PHF20: variants seen among roughly 807,000 people sequenced by gnomAD.
PHF20 encodes PHD finger protein 20.
In PHF20, 23 loss-of-function variants were observed where a neutral mutation model predicts 113.5. The observed-to-expected ratio is 0.20, with a 90% CI of 0.15 to 0.29. The LOEUF is 0.29. Among genes scored for constraint, PHF20 ranks in the 10% least tolerant of loss-of-function variants. PHF20 has a pLI of 1.00. For synonymous variants in PHF20, 434 were observed against 457.3 expected (o/e 0.95, Z 0.65); for missense variants, 943 against 1,219.6 (o/e 0.77, Z 3.38).
Position 35,866,224 on chromosome 20 carries a change from TAATAA to T in PHF20, c.808+2838_808+2842del, listed in dbSNP as rs550731464. Among the ~76,000 whole-genome samples, 38 of 152,096 alleles carry T rather than the reference TAATAA, an allele frequency of 2.5e-4. 1 individual carries two copies. The highest frequency in any genetic ancestry group is 1.6e-3 in the Admixed American group (25 of 15,276). On this transcript the variant is annotated intron_variant, in intron 6 of 17. Coordinates refer to ENST00000374012, the MANE Select transcript of PHF20 (RefSeq NM_016436.5). ...GACTCCATCTCAAAAAAACAAAAAA[TAATAA>T]AATAAAATAAAATTACATGTGGCTT...
intron 12 of PHF20, 119 bp from the exon 13 acceptor site, chr20:35,917,365 C>G (rs776349173): frequency 1.0e-5 from 9 of 897,444 alleles, no homozygotes; most frequent in Middle Eastern, 2.1e-4. Context: ...GTTTCCTTGC[C>G]CTATGAATGT....
intron 1 of PHF20, among the ~76,000 whole-genome samples, chr20:35,793,578 G>C (rs2146851679): frequency 6.6e-6 from 1 of 151,548 alleles, no homozygotes; most frequent in Middle Eastern, 3.4e-3. Flanking sequence ...GGGATTACAG[G>C]CGTGAGCCAT....
intron 1 of PHF20, among the ~76,000 whole-genome samples, chr20:35,778,233 A>G (rs957814505): frequency 6.6e-6 from 1 of 152,108 alleles, no homozygotes; most frequent in African/African-American, 2.4e-5. Flanking sequence ...ATAGGTGCGC[A>G]CCACCATGCC....
chr20:35,899,325 GGGATAAATACAA>G, intron 9 of PHF20, 33 bp from the exon 10 acceptor site: 1 of 1,506,972 alleles, frequency 6.6e-7, no homozygotes, highest in Non-Finnish European at 9.0e-7. Flanking sequence ...TGTAATAACT[GGGATAAATACAA>G]GGAACCTTTG....
At chr20:35,780,849 C>CTTTTTTTTTT (rs61173937) in intron 1 of PHF20, among the ~76,000 whole-genome samples, 2 of 98,228 alleles carry the variant, frequency 2.0e-5, no homozygotes, top group African/African-American at 9.6e-5. Flanking sequence ...GTGCCTGGCC[C>CTTTTTTTTTT]TTTTTTTTTT....
intron 1 of PHF20, among the ~76,000 whole-genome samples, chr20:35,791,526 C>G (rs1378591414): frequency 1.5e-5 from 2 of 134,306 alleles, no homozygotes; most frequent in Admixed American, 1.5e-4. Flanking sequence ...ACATATATAT[C>G]TTAGAATAGT....
At chr20:35,843,558 T>C (rs562761815) in intron 3 of PHF20, among the ~76,000 whole-genome samples, 57 of 150,466 alleles carry the variant, frequency 3.8e-4, no homozygotes, top group African/African-American at 1.3e-3. Context: ...TCATTCCATG[T>C]AGAACGTTGT....
At chr20:35,917,779 G>A (rs2055435137) in intron 13 of PHF20, 117 bp downstream of exon 13, 2 of 818,834 alleles carry the variant, frequency 2.4e-6, no homozygotes, top group Non-Finnish European at 3.8e-6. Flanking sequence ...AGCACGAACG[G>A]CAGCAGACTG....
chr20:35,900,208 C>A (rs1009923952), intron 10 of PHF20, among the ~76,000 whole-genome samples: 1 of 152,150 alleles, frequency 6.6e-6, no homozygotes, highest in African/African-American at 2.4e-5. Context: ...GAAATATCTT[C>A]TAAAGCTTAC....
Position 35,825,047 on chromosome 20 carries a change from A to G in PHF20, c.84-17526A>G, listed in dbSNP as rs539612262. Among the ~76,000 whole-genome samples the G allele has an allele frequency of 2.0e-5, 3 of 152,310 alleles. No individual in the cohort carries two copies. The South Asian group carries it at 6.2e-4, about 32-fold the overall frequency. On this transcript the variant is annotated intron_variant, in intron 2 of 17. Transcript: ENST00000374012. The stretch of plus-strand genomic sequence containing the variant: ...TGTGAGTACACATTTGTGTGGACAT[A>G]TGATTTTACATCATATGGGTATATA...
At chr20:35,781,521 T>C (rs1370205328) in intron 1 of PHF20, among the ~76,000 whole-genome samples, 4 of 152,230 alleles carry the variant, frequency 2.6e-5, no homozygotes. Context: ...ATTTTTGTTG[T>C]TGTTGTTGTC....
intron 1 of PHF20, among the ~76,000 whole-genome samples, chr20:35,796,777 C>CT (rs1285697008): frequency 6.6e-6 from 1 of 152,126 alleles, no homozygotes; most frequent in Non-Finnish European, 1.5e-5. Flanking sequence ...TTGAGAAGTA[C>CT]TTTGTCTACT....
At chr20:35,900,545 A>G (rs1289278235) in intron 10 of PHF20, among the ~76,000 whole-genome samples, 2 of 152,140 alleles carry the variant, frequency 1.3e-5, no homozygotes, top group Non-Finnish European at 2.9e-5. Context: ...TTAAAAATAT[A>G]ATGTGAGGCC....
At chr20:35,793,540 T>C (rs1460474142) in intron 1 of PHF20, among the ~76,000 whole-genome samples, 1 of 150,222 alleles carries the variant, frequency 6.7e-6, no homozygotes, top group Non-Finnish European at 1.5e-5. Flanking sequence ...CCTCAGGTGA[T>C]CCACCTGCCT....
rs138366341 is a variant in PHF20 at position 35,866,424 on chromosome 20, A to G, written c.809-3014A>G. Among the ~76,000 whole-genome samples, 583 of 152,248 alleles carry G rather than the reference A, an allele frequency of 3.8e-3. 17 individuals carry two copies. The highest frequency in any genetic ancestry group is 0.032 in the Admixed American group (492 of 15,284). ...GTATACCACCCTTAGGAAAACAGAG[A>G]AAATATATCTCTGTTCAGATGGGGA... On this transcript the variant is annotated intron_variant, in intron 6 of 17. Transcript: ENST00000374012.
intron 17 of PHF20, 134 bp from the exon 18 acceptor site, chr20:35,947,344 TCCCTTGC>T: frequency 1.4e-6 from 1 of 732,872 alleles, no homozygotes; most frequent in South Asian, 2.4e-5. Flanking sequence ...TGGCCCTTCC[TCCCTTGC>T]CCCATGGAGG....
At chr20:35,803,649 A>G (rs952487959) in intron 2 of PHF20, among the ~76,000 whole-genome samples, 3 of 150,936 alleles carry the variant, frequency 2.0e-5, no homozygotes, top group South Asian at 2.1e-4. Context: ...TGTATTATCT[A>G]TAATTAGTTC....
chr20:35,888,076 G>A (rs528955218), intron 9 of PHF20, among the ~76,000 whole-genome samples: 54 of 151,464 alleles, frequency 3.6e-4, no homozygotes, highest in Non-Finnish European at 6.5e-4. Context: ...CGCCTCCCTG[G>A]TTCAAGCAAT....
intron 2 of PHF20, among the ~76,000 whole-genome samples, chr20:35,842,268 C>A (rs1474139219): frequency 6.6e-6 from 1 of 152,110 alleles, no homozygotes; most frequent in Non-Finnish European, 1.5e-5. Flanking sequence ...ATTGCTTGAA[C>A]CCAGGAGGTT....
Sources: allele counts gnomAD v4.1 joint callset (sites outside exome capture counted in the v4.1 genomes callset), GRCh38; gene constraint gnomAD v4.1.1; transcripts MANE v1.5; gene names NCBI Gene and HGNC (gene_info 2026-07-23, HGNC 2026-07-21).